The following UNC79 variants were observed in gnomAD, a reference collection of about 807,000 sequenced individuals.
UNC79 encodes the protein unc-79 subunit of NALCN channel complex.
In UNC79, 37 loss-of-function variants were observed where a neutral mutation model predicts 283.1. The ratio of observed to expected loss-of-function variants is 0.13; its 90% CI spans 0.10 to 0.17. UNC79 has a LOEUF of 0.17. Among genes scored for constraint, UNC79 ranks in the 10% least tolerant of loss-of-function variants. UNC79 has a pLI of 1.00. For missense variants in UNC79, 2,272 were observed against 3,211.1 expected (o/e 0.71, Z 7.07); for synonymous variants, 1,107 against 1,200.2 (o/e 0.92, Z 1.61).
intron 1 of UNC79, among the ~76,000 whole-genome samples, chr14:93,375,034 A>AT (rs1555401057): frequency 6.6e-6 from 1 of 152,040 alleles, no homozygotes; most frequent in Non-Finnish European, 1.5e-5. Context: ...TGACTTAGAT[A>AT]TTTTTTCCCT....
intron 22 of UNC79, among the ~76,000 whole-genome samples, chr14:93,592,803 C>G (rs967123005): frequency 2.6e-5 from 4 of 152,150 alleles, no homozygotes; most frequent in Non-Finnish European, 5.9e-5. Flanking sequence ...TCCTGTAGAA[C>G]TTGATAGGAA....
rs554948902 is a variant in UNC79, at chr14:93,502,179, C to T, written c.898+4893C>T. ...CTGTAATCCCAGCACTTTGGGAGGC[C>T]GAGGTGGGTGGATCACCAGGTCAGG... On this transcript the variant is annotated intron_variant, in intron 7 of 48. Coordinates refer to ENST00000555664, the Ensembl canonical transcript of UNC79. Among the ~76,000 whole-genome samples the T allele has an allele frequency of 5.3e-5, 8 of 152,060 alleles. No individual in the cohort carries two copies. The East Asian group carries it at 1.5e-3, about 29-fold the overall frequency.
At chr14:93,451,787 G>C (rs937683214) in intron 1 of UNC79, among the ~76,000 whole-genome samples, 1 of 152,184 alleles carries the variant, frequency 6.6e-6, no homozygotes, top group African/African-American at 2.4e-5. Context: ...ATGCACACTA[G>C]TTGGTTCTTG....
chr14:93,515,550 A>G (rs2060014416), intron 7 of UNC79, among the ~76,000 whole-genome samples: 1 of 152,028 alleles, frequency 6.6e-6, no homozygotes, highest in South Asian at 2.1e-4. Flanking sequence ...AGAGAACTTA[A>G]TTTTGCTTCT....
intron 40 of UNC79, among the ~76,000 whole-genome samples, chr14:93,667,755 C>T (rs905020296): frequency 3.3e-5 from 5 of 152,160 alleles, no homozygotes; most frequent in Non-Finnish European, 1.5e-5. Flanking sequence ...GGTCAATATC[C>T]TTCATAGATG....
intron 41 of UNC79, among the ~76,000 whole-genome samples, chr14:93,673,663 T>G (rs138074965): frequency 2.6e-4 from 40 of 152,214 alleles, no homozygotes; most frequent in African/African-American, 9.4e-4. Context: ...TTGATTTTGT[T>G]CCTACTGTGG....
In UNC79 at chr14:93,474,543, T is replaced by C; in HGVS notation, c.448+150T>C. On this transcript the variant is annotated intron_variant, in intron 3 of 48. Transcript: ENST00000555664. This position sits in a 1 kb window ranked among gnomAD's most constrained non-coding sequence, Gnocchi z 4.1. ...GAAGCACTACACTGAAACTTCATTA[T>C]GGTGCTTCCCATACTATTATTTTAC... The C allele has an allele frequency of 6.7e-6, 6 of 896,210 alleles. No individual in the cohort carries two copies. Among genetic ancestry groups the C allele is most frequent in the Non-Finnish European group, 9.9e-6 (6 of 608,410 alleles). 55.5% of individuals were successfully genotyped at this position (896,210 alleles called of 1,614,324 possible).
chr14:93,658,846 C>A (rs1296680730), intron 38 of UNC79, among the ~76,000 whole-genome samples: 1 of 152,070 alleles, frequency 6.6e-6, no homozygotes, highest in Non-Finnish European at 1.5e-5. Flanking sequence ...CATTGTCTGT[C>A]CATCTATTCA....
chr14:93,555,939 A>G (rs1261420887), intron 14 of UNC79, among the ~76,000 whole-genome samples: 2 of 152,138 alleles, frequency 1.3e-5, no homozygotes, highest in African/African-American at 4.8e-5. Context: ...AGATTTCTTT[A>G]AAGATGTAAG....
chr14:93,624,548 T>A (rs2067403309), intron 30 of UNC79, among the ~76,000 whole-genome samples: 2 of 152,168 alleles, frequency 1.3e-5, no homozygotes, highest in African/African-American at 4.8e-5. Context: ...GGTTTGTGTG[T>A]GCAACTGTGT....
intron 1 of UNC79, among the ~76,000 whole-genome samples, chr14:93,343,480 A>G (rs998435881): frequency 2.0e-5 from 3 of 152,186 alleles, no homozygotes; most frequent in African/African-American, 7.2e-5. Flanking sequence ...AGGTTGTGCA[A>G]TTGTAAAGAC....
chr14:93,351,732 G>C (rs545451960), intron 1 of UNC79, among the ~76,000 whole-genome samples: 1 of 152,114 alleles, frequency 6.6e-6, no homozygotes, highest in South Asian at 2.1e-4. Context: ...GAATTGGCTC[G>C]TGGTTGTGGA....
At chr14:93,643,370 G>A (rs1405504375) in intron 33 of UNC79, among the ~76,000 whole-genome samples, 187 bp from the exon 37 acceptor site, 4 of 152,182 alleles carry the variant, frequency 2.6e-5, no homozygotes, top group African/African-American at 4.8e-5. Flanking sequence ...TCTCTACCAT[G>A]TGTGCTGTTT....
intron 1 of UNC79, among the ~76,000 whole-genome samples, chr14:93,404,493 A>AAAAATATATATATATATATATAT: frequency 6.8e-4 from 42 of 61,460 alleles, no homozygotes; most frequent in African/African-American, 2.6e-3. Context: ...TTCTAAAAAA[A>AAAAATATATATATATATATATAT]ATATATATAT....
At chr14:93,663,801 A>C (rs998351741) in intron 40 of UNC79, among the ~76,000 whole-genome samples, 1 of 152,072 alleles carries the variant, frequency 6.6e-6, no homozygotes, top group Admixed American at 6.6e-5. Context: ...AAGACACAGC[A>C]CCAAAAAGAT....
intron 40 of UNC79, among the ~76,000 whole-genome samples, chr14:93,663,544 A>G (rs1233190350): frequency 6.6e-6 from 1 of 152,172 alleles, no homozygotes; most frequent in East Asian, 1.9e-4. Context: ...CCTCATAAAA[A>G]TCTAATTTTA....
At chr14:93,565,522 C>G (rs1322427737) in intron 14 of UNC79, among the ~76,000 whole-genome samples, 1 of 152,164 alleles carries the variant, frequency 6.6e-6, no homozygotes, top group Non-Finnish European at 1.5e-5. Context: ...TCCTGTTCTT[C>G]TATAGCTTAC....
intron 1 of UNC79, among the ~76,000 whole-genome samples, chr14:93,357,283 G>A (rs2054104605): frequency 6.6e-6 from 1 of 152,028 alleles, no homozygotes; most frequent in Non-Finnish European, 1.5e-5. Context: ...ACCACTAATG[G>A]GCATTGTGAT....
chr14:93,606,621 A>T (rs1187911875), intron 26 of UNC79, among the ~76,000 whole-genome samples: 1 of 152,150 alleles, frequency 6.6e-6, no homozygotes, highest in Non-Finnish European at 1.5e-5. Flanking sequence ...CGGACCTCTT[A>T]TTGATTAGAC....
Sources: gnomAD v4.1 joint callset for allele counts (sites outside exome capture counted in the v4.1 genomes callset) on GRCh38, gnomAD v4.1.1 for gene constraint, Gnocchi (gnomAD v3.1) non-coding constraint, MANE v1.5 for transcripts, NCBI Gene and HGNC (gene_info 2026-07-23, HGNC 2026-07-21) for gene names.